VPS36: variants seen among roughly 807,000 people sequenced by gnomAD.
The protein encoded by VPS36 is vacuolar protein sorting 36 homolog, also known as vacuolar protein-sorting-associated protein 36.
In VPS36, 31 loss-of-function variants were observed where a neutral mutation model predicts 63.5. The observed-to-expected ratio is 0.49, with a 90% CI of 0.37 to 0.66. VPS36 has a LOEUF of 0.66. Among genes scored for constraint, VPS36 ranks in the 30% least tolerant of loss-of-function variants. The pLI, the probability that VPS36 is intolerant of heterozygous loss-of-function variation, is 0.00. For synonymous variants in VPS36, 138 were observed against 157.2 expected (o/e 0.88, Z 0.91); for missense variants, 338 against 463.7 (o/e 0.73, Z 2.49).
intron 4 of VPS36, 104 bp downstream of exon 4, chr13:52,436,186 T>G (rs1292350030): frequency 1.4e-6 from 1 of 713,350 alleles, no homozygotes; most frequent in Non-Finnish European, 2.3e-6. Flanking sequence ...GTATGTTGTA[T>G]AATACTACCT....
intron 1 of VPS36, chr13:52,449,958 C>T (rs1395500021): frequency 2.0e-6 from 2 of 985,474 alleles, no homozygotes; most frequent in Non-Finnish European, 2.4e-6. Flanking sequence ...TCGAAGCAAT[C>T]CCTCACCCCT....
intron 2 of VPS36, among the ~76,000 whole-genome samples, chr13:52,439,840 C>G (rs1046222063): frequency 6.6e-6 from 1 of 152,176 alleles, no homozygotes; most frequent in Non-Finnish European, 1.5e-5. Context: ...TCAGATACAT[C>G]AAGATAATTT....
rs1236981013 is a variant in VPS36, at chr13:52,415,510, C to A, written c.*320G>T. 2 of 207,854 alleles carry A rather than the reference C, an allele frequency of 9.6e-6. No individual in the cohort carries two copies. The highest frequency in any genetic ancestry group is 1.0e-4 in the South Asian group (1 of 9,942). The allele number at this position is 207,854 out of a possible 1,614,324, so 12.9% of individuals were successfully genotyped here. On this transcript the variant is annotated 3_prime_UTR_variant, in exon 14 of 14. Transcript: ENST00000378060. The stretch of plus-strand genomic sequence containing the variant: ...ATGCAACTTCTCTTTTTATTCTCTG[C>A]AAAACTAAATTCCCTTCTTTATAAA...
Position 52,413,824 on chromosome 13 carries a change from A to G in VPS36, c.*2006T>C, listed in dbSNP as rs1957968422. ...CACCTTATAATAATGGCCTGAAAAA[A>G]AAAGATAAAAATACACAAATACATA... On this transcript the variant is annotated 3_prime_UTR_variant, in exon 14 of 14. Coordinates refer to ENST00000378060, the MANE Select transcript of VPS36 (RefSeq NM_016075.4). 6.6e-6 allele frequency: 1 copy of G among 152,636 alleles called. No individual in the cohort carries two copies. The highest frequency in any genetic ancestry group is 1.5e-5 in the Non-Finnish European group (1 of 68,042). The allele number at this position is 152,636 out of a possible 1,614,324, so 9.5% of individuals were successfully genotyped here.
rs1391579919 is a variant in VPS36 at position 52,450,528 on chromosome 13, C to G, written c.67G>C (p.Gly23Arg). 1.3e-6 allele frequency: 2 copies of G among 1,595,130 alleles called. No individual in the cohort carries two copies. The highest frequency in any genetic ancestry group is 2.8e-5 in the African/African-American group (2 of 72,622). The change falls in exon 1 of 14, where the codon GGG (glycine) becomes CGG (arginine). Residue 23 changes from glycine (G) to arginine (R), a missense_variant. Gly to Arg is a moderately radical substitution (Grantham distance 125). Transcript: ENST00000378060. Reference sequence around the variant, plus strand: ...TCCTCGCCATCGTAGATTCGCACCCCGCGCTGCTGGATCACCAGGGTCTCG... The same window carrying G: ...TCCTCGCCATCGTAGATTCGCACCCGGCGCTGCTGGATCACCAGGGTCTCG... ...INETLVIQQR[G>R]VRIYDGEEKI...
chr13:52,423,696 TTTC>T, intron 9 of VPS36, 57 bp from the exon 10 acceptor site: 1 of 1,429,300 alleles, frequency 7.0e-7, no homozygotes, highest in Admixed American at 1.9e-5. Context: ...CCAGTTAGCA[TTTC>T]TTAACAGAAA....
At chr13:52,442,720 T>C (rs141436251) in intron 1 of VPS36, among the ~76,000 whole-genome samples, 89 of 151,894 alleles carry the variant, frequency 5.9e-4, no homozygotes, top group African/African-American at 2.0e-3. Context: ...AATGACGAGG[T>C]AGAACTGCAT....
At chr13:52,439,574 T>C (rs1048052542) in intron 2 of VPS36, among the ~76,000 whole-genome samples, 3 of 152,028 alleles carry the variant, frequency 2.0e-5, no homozygotes, top group African/African-American at 4.8e-5. Context: ...GCCTCCCGAG[T>C]AGCTGGGACT....
Position 52,425,992 on chromosome 13 carries a change from G to T in VPS36, c.714C>A (p.Gly238=). The change falls in exon 9 of 14, where the codon GGC becomes GGA. Residue 238 remains glycine, a synonymous_variant. Coordinates refer to ENST00000378060, the MANE Select transcript of VPS36 (RefSeq NM_016075.4). Reference sequence around the variant, plus strand: ...TGGCCAGCTGCATGTGGTACTGTGTGCCTGAGCCGTAGGTTTCTCTGGTAA... The same window carrying T: ...TGGCCAGCTGCATGTGGTACTGTGTTCCTGAGCCGTAGGTTTCTCTGGTAA... ...NPVTRETYGS[G]TQYHMQLAKQ... The T allele has an allele frequency of 6.2e-7, 1 of 1,614,146 alleles. No homozygotes were observed. The highest frequency in any genetic ancestry group is 1.1e-5 in the South Asian group (1 of 91,084).
intron 6 of VPS36, among the ~76,000 whole-genome samples, chr13:52,428,855 G>C (rs374065411): frequency 6.6e-6 from 1 of 151,890 alleles, no homozygotes; most frequent in African/African-American, 2.4e-5. Flanking sequence ...AGTCCACAAA[G>C]AATATGTAAA....
At chr13:52,416,177 A>T in intron 12 of VPS36, 84 bp from the exon 13 acceptor site, 3 of 1,255,640 alleles carry the variant, frequency 2.4e-6, no homozygotes, top group Non-Finnish European at 3.4e-6. Flanking sequence ...TGGTAGGCAG[A>T]ATGTATACCA....
At chr13:52,442,350 C>A in intron 2 of VPS36, 27 bp downstream of exon 2, 3 of 1,593,780 alleles carry the variant, frequency 1.9e-6, no homozygotes, top group Non-Finnish European at 2.6e-6. Flanking sequence ...ATAAAACCTA[C>A]AACAGATGCA....
intron 6 of VPS36, 43 bp downstream of exon 6, chr13:52,433,619 A>C (rs748739454): frequency 1.4e-6 from 2 of 1,478,482 alleles, no homozygotes; most frequent in African/African-American, 1.4e-5. Flanking sequence ...AAGAATAGAC[A>C]CAAATGGCTG....
chr13:52,419,580 T>C (rs1004477387), intron 10 of VPS36, among the ~76,000 whole-genome samples: 4 of 152,134 alleles, frequency 2.6e-5, no homozygotes, highest in Non-Finnish European at 4.4e-5. Flanking sequence ...TGAAAAACAG[T>C]ATGGCGATTT....
At chr13:52,449,837 C>A (rs1594127735) in intron 1 of VPS36, 3 of 808,016 alleles carry the variant, frequency 3.7e-6, no homozygotes, top group African/African-American at 3.7e-5. Context: ...TAACACTTTA[C>A]AAAACACGCT....
chr13:52,434,976 T>TTTC, intron 4 of VPS36, 94 bp from the exon 5 acceptor site: 1 of 1,223,030 alleles, frequency 8.2e-7, no homozygotes, highest in Non-Finnish European at 1.1e-6. Context: ...TTTTTCTTTT[T>TTTC]TTTTTTTTTT....
rs767794577 is a variant in VPS36 at position 52,426,098 on chromosome 13, G to A, written c.640-32C>T. 3.7e-6 allele frequency: 6 copies of A among 1,608,334 alleles called. No individual in the cohort carries two copies. In the Admixed American group the frequency reaches 6.8e-5, roughly 18 times the overall value. On this transcript the variant is annotated intron_variant, in intron 8 of 13. Coordinates refer to ENST00000378060, the MANE Select transcript of VPS36 (RefSeq NM_016075.4). ...TAAAAAAGGAGAAAATGCAGAATTA[G>A]TCTCTCCACCTCAATATTTGAAATT...
At chr13:52,449,433 TA>T (rs1290184618) in intron 1 of VPS36, among the ~76,000 whole-genome samples, 1 of 152,212 alleles carries the variant, frequency 6.6e-6, no homozygotes, top group African/African-American at 2.4e-5. Context: ...CTTTACTCAC[TA>T]ATACAGGCAA....
At chr13:52,425,896 A>G (rs370328744) in intron 9 of VPS36, 36 bp downstream of exon 9, 1 of 1,589,322 alleles carries the variant, frequency 6.3e-7, no homozygotes, top group Non-Finnish European at 8.5e-7. Flanking sequence ...CTAATTTAAC[A>G]CAGTTTAAAA....
Sources: gnomAD v4.1 joint callset for allele counts (sites outside exome capture counted in the v4.1 genomes callset) on GRCh38, gnomAD v4.1.1 for gene constraint, MANE v1.5 for transcripts, NCBI Gene and HGNC (gene_info 2026-07-23, HGNC 2026-07-21) for gene names.